ARHGAP8: variants seen among roughly 807,000 people sequenced by gnomAD.
ARHGAP8 encodes the protein Rho GTPase activating protein 8.
ARHGAP8 carries 62 observed loss-of-function variants against 46.1 expected under a neutral mutation model. That is an observed-to-expected ratio of 1.34 (90% CI 1.10 to 1.66). ARHGAP8 has a LOEUF of 1.66. Ranked by LOEUF, ARHGAP8 falls within the 40% of genes most tolerant of loss-of-function variation. The probability of loss-of-function intolerance (pLI) is 0.00; values close to 1 mark genes in which losing one functional copy is unlikely to be tolerated. For missense variants in ARHGAP8, 923 were observed against 568.4 expected, an observed-to-expected ratio of 1.62 and a Z score of -6.34; for synonymous variants, 375 against 243.1, an observed-to-expected ratio of 1.54 and a Z score of -5.05.
chr22:44,783,134 G>T (rs1238526516), intron 1 of ARHGAP8, among the ~76,000 whole-genome samples: 3 of 151,554 alleles, frequency 2.0e-5, no homozygotes, highest in African/African-American at 4.9e-5. Context: ...GGCCCAGGAG[G>T]TTTCACCACG....
At chr22:44,820,012 C>A (rs949921479) in intron 5 of ARHGAP8, among the ~76,000 whole-genome samples, 4 of 152,216 alleles carry the variant, frequency 2.6e-5, no homozygotes, top group Non-Finnish European at 4.4e-5. Context: ...AGATCTTGGG[C>A]AGCCACATAA....
chr22:44,758,469 G>A (rs1450475238), intron 1 of ARHGAP8, among the ~76,000 whole-genome samples: 1 of 152,176 alleles, frequency 6.6e-6, no homozygotes, highest in African/African-American at 2.4e-5. Flanking sequence ...TGGGGGCTCC[G>A]TGAATCCCCA....
In ARHGAP8 at chr22:44,756,867, CT is replaced by C. The variant is rs200888165; in HGVS notation, c.-72+4248del. 3.2e-3 allele frequency among the ~76,000 whole-genome samples: 482 copies of C among 152,008 alleles called. 2 individuals carry two copies. The highest frequency in any genetic ancestry group is 0.011 in the African/African-American group (457 of 41,466). On this transcript the variant is annotated intron_variant, in intron 1 of 11. Transcript: ENST00000356099. ...AAATCAAGCTTGAATCCATCCCTCA[CT>C]TTTTTTTCCGCATTACTGCAATACT...
At chr22:44,846,458 G>A (rs1211465895) in intron 8 of ARHGAP8, among the ~76,000 whole-genome samples, 4 of 152,174 alleles carry the variant, frequency 2.6e-5, no homozygotes, top group Non-Finnish European at 5.9e-5. Flanking sequence ...AGATGTGCTG[G>A]GCGGGGGCCT....
chr22:44,836,758 G>A (rs1487868790), intron 7 of ARHGAP8, among the ~76,000 whole-genome samples: 1 of 151,954 alleles, frequency 6.6e-6, no homozygotes. Flanking sequence ...CATCTCAGAG[G>A]GTTGGGAAAA....
intron 1 of ARHGAP8, among the ~76,000 whole-genome samples, chr22:44,771,923 G>T (rs1926040129): frequency 6.6e-6 from 1 of 152,112 alleles, no homozygotes. Context: ...TACAGTGGGT[G>T]GGACCTCCAG....
chr22:44,752,904 T>G (rs1924357059), intron 1 of ARHGAP8, among the ~76,000 whole-genome samples: 1 of 149,086 alleles, frequency 6.7e-6, no homozygotes, highest in Admixed American at 6.6e-5. Context: ...CCCTGTCCTG[T>G]TCCTTCTCAC....
intron 1 of ARHGAP8, among the ~76,000 whole-genome samples, chr22:44,756,914 CA>C (rs1924727758): frequency 6.6e-6 from 1 of 151,854 alleles, no homozygotes; most frequent in South Asian, 2.1e-4. Flanking sequence ...AAACGATTAG[CA>C]ACAATTTTTT....
chr22:44,848,323 C>T (rs1222972771), intron 9 of ARHGAP8, among the ~76,000 whole-genome samples: 1 of 151,726 alleles, frequency 6.6e-6, no homozygotes, highest in South Asian at 2.1e-4. Context: ...CCACGTGGCA[C>T]GTGCTTTCAG....
intron 5 of ARHGAP8, among the ~76,000 whole-genome samples, chr22:44,815,216 C>T (rs1309377365): frequency 6.6e-6 from 1 of 152,214 alleles, no homozygotes; most frequent in East Asian, 1.9e-4. Flanking sequence ...TTCATACAGG[C>T]AGTGCTCCAT....
chr22:44,789,041 C>T (rs1378012563), intron 2 of ARHGAP8, among the ~76,000 whole-genome samples: 7 of 152,222 alleles, frequency 4.6e-5, no homozygotes, highest in African/African-American at 1.7e-4. Context: ...CTCTCAGTTA[C>T]TAATGGAAGA....
chr22:44,862,694 G>C lies in ARHGAP8; in HGVS notation c.*99G>C. The C allele has an allele frequency of 5.8e-6, 8 of 1,381,522 alleles. No individual in the cohort carries two copies. The highest frequency in any genetic ancestry group is 7.7e-6 in the Non-Finnish European group (8 of 1,042,748). 85.6% of individuals were successfully genotyped at this position (1,381,522 alleles called of 1,614,324 possible). ...CATCTGTAAAAATAACCAGCCATTAGATGAATTCAGAACCTTCTAATGAAA... is the reference window on the plus strand; with the variant it reads ...CATCTGTAAAAATAACCAGCCATTACATGAATTCAGAACCTTCTAATGAAA... On this transcript the variant is annotated 3_prime_UTR_variant, in exon 12 of 12. Coordinates refer to ENST00000356099, the MANE Select transcript of ARHGAP8 (RefSeq NM_181335.3).
At chr22:44,813,095 A>G (rs1287525254) in intron 4 of ARHGAP8, among the ~76,000 whole-genome samples, 1 of 152,106 alleles carries the variant, frequency 6.6e-6, no homozygotes, top group Non-Finnish European at 1.5e-5. Flanking sequence ...CCATTCTCCA[A>G]GGAGCACAGT....
intron 2 of ARHGAP8, among the ~76,000 whole-genome samples, chr22:44,793,359 G>A (rs5766028): frequency 0.18 from 26,649 of 151,860 alleles, 2,508 homozygotes; most frequent in East Asian, 0.44. Flanking sequence ...AGGGGAGAGG[G>A]AGAGAAGTCC....
chr22:44,820,164 C>T (rs577390018), intron 5 of ARHGAP8, among the ~76,000 whole-genome samples: 19 of 152,382 alleles, frequency 1.2e-4, no homozygotes, highest in South Asian at 2.1e-4. Flanking sequence ...GCAACTCTGC[C>T]GCACGCCGTG....
chr22:44,787,634 C>T (rs1030708352), intron 2 of ARHGAP8, among the ~76,000 whole-genome samples: 2 of 152,128 alleles, frequency 1.3e-5, no homozygotes, highest in African/African-American at 4.8e-5. Flanking sequence ...CGTGAGCCAC[C>T]GTGCCCGGCC....
intron 1 of ARHGAP8, among the ~76,000 whole-genome samples, chr22:44,764,426 C>A (rs907509285): frequency 6.6e-6 from 1 of 152,200 alleles, no homozygotes. Flanking sequence ...AGCAGCCCCT[C>A]GAAAGGCAGG....
intron 2 of ARHGAP8, chr22:44,801,723 G>A (rs1928566365): frequency 4.0e-6 from 1 of 248,888 alleles, no homozygotes; most frequent in Non-Finnish European, 7.7e-6. Flanking sequence ...GTTGGAGGAG[G>A]AGGTAGAGTG....
At chr22:44,861,837 A>C (rs1439620143) in intron 11 of ARHGAP8, among the ~76,000 whole-genome samples, 1 of 152,076 alleles carries the variant, frequency 6.6e-6, no homozygotes, top group Non-Finnish European at 1.5e-5. Context: ...CTAGCAGGCA[A>C]GCTCTTTCCA....
Sources: allele counts gnomAD v4.1 joint callset (sites outside exome capture counted in the v4.1 genomes callset), GRCh38; gene constraint gnomAD v4.1.1; transcripts MANE v1.5; gene names NCBI Gene and HGNC (gene_info 2026-07-23, HGNC 2026-07-21).